Variants in IGSF21 observed in about 807,000 individuals in gnomAD.
IGSF21 encodes immunoglobulin superfamily member 21.
In IGSF21, 28 loss-of-function variants were observed where a neutral mutation model predicts 46.8. The observed-to-expected ratio is 0.60, with a 90% CI of 0.44 to 0.82. The LOEUF is 0.82. IGSF21 is among the 40% of genes least tolerant of loss of function. The pLI is 0.00. For synonymous variants in IGSF21, 284 were observed against 273.6 expected (o/e 1.04, Z -0.38); for missense variants, 624 against 665.5 (o/e 0.94, Z 0.69).
At chr1:18,218,925 T>C (rs2084480015) in intron 1 of IGSF21, among the ~76,000 whole-genome samples, 1 of 151,888 alleles carries the variant, frequency 6.6e-6, no homozygotes, top group South Asian at 2.1e-4. Flanking sequence ...AGCTGAAAAA[T>C]ACAATAACCA....
intron 1 of IGSF21, among the ~76,000 whole-genome samples, chr1:18,141,716 GACA>G (rs764418337): frequency 2.0e-5 from 3 of 152,104 alleles, no homozygotes; most frequent in Non-Finnish European, 2.9e-5. Flanking sequence ...TACATTCCTG[GACA>G]ACATCTCCAG....
Position 18,285,282 on chromosome 1 carries a change from C to A in IGSF21, c.184-6584C>A, listed in dbSNP as rs188060145. Among the ~76,000 whole-genome samples, 69 of 151,928 alleles carry A rather than the reference C, an allele frequency of 4.5e-4. 1 individual carries two copies. Among genetic ancestry groups the A allele is most frequent in the African/African-American group, 1.6e-3 (68 of 41,414 alleles). Reference sequence around the variant, plus strand: ...CTTATTTGTTTTTCAAATTAAACAGCCAGGCCGGTCAGCGGGCTCTCACAC... The same window carrying A: ...CTTATTTGTTTTTCAAATTAAACAGACAGGCCGGTCAGCGGGCTCTCACAC... On this transcript the variant is annotated intron_variant, in intron 2 of 9. Coordinates refer to ENST00000251296, the MANE Select transcript of IGSF21 (RefSeq NM_032880.5).
At chr1:18,304,043 C>T (rs913057305) in intron 3 of IGSF21, among the ~76,000 whole-genome samples, 1 of 151,924 alleles carries the variant, frequency 6.6e-6, no homozygotes, top group Non-Finnish European at 1.5e-5. Flanking sequence ...GCTGGACAGG[C>T]GGAGGTGGAG....
intron 3 of IGSF21, among the ~76,000 whole-genome samples, chr1:18,298,526 T>C (rs223161): frequency 0.24 from 36,749 of 152,032 alleles, 5,341 homozygotes; most frequent in African/African-American, 0.4. Flanking sequence ...CCACAGGTGG[T>C]GGGGAACAGC....
chr1:18,140,887 C>A (rs2086409417), intron 1 of IGSF21, among the ~76,000 whole-genome samples: 1 of 152,208 alleles, frequency 6.6e-6, no homozygotes, highest in South Asian at 2.1e-4. Flanking sequence ...CTTTGCTGCC[C>A]AGCTCTCTGG....
At chr1:18,348,872 A>T (rs1023626977) in intron 4 of IGSF21, among the ~76,000 whole-genome samples, 6 of 152,310 alleles carry the variant, frequency 3.9e-5, no homozygotes, top group East Asian at 1.9e-4. Context: ...CCCTGGACTC[A>T]GTTTCCCCAT....
intron 2 of IGSF21, among the ~76,000 whole-genome samples, chr1:18,240,138 G>C (rs1036398403): frequency 2.6e-5 from 4 of 152,130 alleles, no homozygotes; most frequent in African/African-American, 2.4e-5. Flanking sequence ...AATTAACCAG[G>C]CATGGTGGTG....
At chr1:18,117,078 C>T (rs528405226) in intron 1 of IGSF21, among the ~76,000 whole-genome samples, 60 of 152,340 alleles carry the variant, frequency 3.9e-4, no homozygotes, top group Admixed American at 3.5e-3. Context: ...GTGGCATTCC[C>T]AGAGCAGGGC....
At chr1:18,355,321 G>A (rs560328320) in intron 4 of IGSF21, among the ~76,000 whole-genome samples, 1 of 152,348 alleles carries the variant, frequency 6.6e-6, no homozygotes, top group East Asian at 1.9e-4. Context: ...TGTCTCCGAA[G>A]TGAGTTACAA....
intron 1 of IGSF21, among the ~76,000 whole-genome samples, chr1:18,212,260 G>T (rs1347884471): frequency 6.6e-6 from 1 of 152,244 alleles, no homozygotes; most frequent in East Asian, 1.9e-4. Context: ...GGAAACTGAA[G>T]CTCAGAACAG....
intron 1 of IGSF21, among the ~76,000 whole-genome samples, chr1:18,177,392 G>GAAGGACTGTGTGC (rs1553151722): frequency 8.0e-6 from 1 of 125,018 alleles, no homozygotes; most frequent in African/African-American, 3.1e-5. Context: ...GGGTCAGTGA[G>GAAGGACTGTGTGC]GTGTGTGTGT....
chr1:18,326,738 C>T (rs1425029950), intron 3 of IGSF21, among the ~76,000 whole-genome samples: 2 of 152,196 alleles, frequency 1.3e-5, no homozygotes, highest in Non-Finnish European at 2.9e-5. Flanking sequence ...TCTGTCCCTC[C>T]CTTCCTCCTG....
chr1:18,126,804 C>A (rs540851291), intron 1 of IGSF21, among the ~76,000 whole-genome samples: 2 of 152,088 alleles, frequency 1.3e-5, no homozygotes, highest in African/African-American at 4.8e-5. Context: ...GAGGCTTCCT[C>A]CCCCCACACC....
intron 6 of IGSF21, among the ~76,000 whole-genome samples, chr1:18,370,336 CA>C (rs1290721850): frequency 1.3e-5 from 2 of 152,270 alleles, no homozygotes; most frequent in Non-Finnish European, 2.9e-5. Flanking sequence ...CAAAGACCCC[CA>C]AGGCGGTTCA....
At chr1:18,198,681 CAA>C (rs983174782) in intron 1 of IGSF21, among the ~76,000 whole-genome samples, 56 of 151,970 alleles carry the variant, frequency 3.7e-4, no homozygotes, top group South Asian at 1.0e-3. Flanking sequence ...TGTATGGGAT[CAA>C]GAGAGAGAGA....
intron 1 of IGSF21, among the ~76,000 whole-genome samples, chr1:18,155,520 C>T (rs1019934464): frequency 2.6e-5 from 4 of 152,252 alleles, no homozygotes; most frequent in African/African-American, 9.6e-5. Flanking sequence ...CCCAGGCTGG[C>T]TCTCCAGCCC....
chr1:18,317,113 AGGCTTTG>A (rs2085551078), intron 3 of IGSF21, among the ~76,000 whole-genome samples: 1 of 152,176 alleles, frequency 6.6e-6, no homozygotes, highest in Non-Finnish European at 1.5e-5. Context: ...CTGCCCCTCT[AGGCTTTG>A]GGCAGGGCTA....
At chr1:18,262,524 G>A (rs2084955723) in intron 2 of IGSF21, among the ~76,000 whole-genome samples, 1 of 152,184 alleles carries the variant, frequency 6.6e-6, no homozygotes, top group Non-Finnish European at 1.5e-5. Flanking sequence ...GTGTCATTAT[G>A]GAGATGTAAT....
intron 1 of IGSF21, among the ~76,000 whole-genome samples, chr1:18,200,994 C>T (rs922478834): frequency 1.3e-5 from 2 of 152,146 alleles, no homozygotes; most frequent in African/African-American, 2.4e-5. Context: ...GAGACAGGGG[C>T]CACACTAGGG....
Sources: allele counts gnomAD v4.1 joint callset (sites outside exome capture counted in the v4.1 genomes callset), GRCh38; gene constraint gnomAD v4.1.1; transcripts MANE v1.5; gene names NCBI Gene and HGNC (gene_info 2026-07-23, HGNC 2026-07-21).